MBD5: variants seen among roughly 807,000 people sequenced by gnomAD.
The protein encoded by MBD5 is methyl-CpG binding domain protein 5.
In MBD5, 13 loss-of-function variants were observed where a neutral mutation model predicts 117.3. The observed-to-expected ratio is 0.11, with a 90% CI of 0.07 to 0.18. The LOEUF (loss-of-function observed/expected upper bound fraction) is 0.18. MBD5 is among the 10% of genes least tolerant of loss of function. The pLI is 1.00. For missense variants in MBD5, 1,879 were observed against 2,093.8 expected (o/e 0.90, Z 2.00); for synonymous variants, 727 against 766.4 (o/e 0.95, Z 0.85).
intron 1 of MBD5, chr2:148,024,900 C>T (rs1325821647): frequency 1.3e-5 from 2 of 152,178 alleles, no homozygotes; most frequent in African/African-American, 4.8e-5. Context: ...CTTTTACCAG[C>T]TCTATAAAAC....
At chr2:148,226,145 G>A (rs889004321) in intron 2 of MBD5, among the ~76,000 whole-genome samples, 4 of 151,430 alleles carry the variant, frequency 2.6e-5, no homozygotes, top group African/African-American at 9.7e-5. Flanking sequence ...TAAGTTTTAG[G>A]GTACATTTGC....
intron 3 of MBD5, among the ~76,000 whole-genome samples, chr2:148,290,611 C>T (rs558400083): frequency 6.6e-6 from 1 of 152,206 alleles, no homozygotes; most frequent in South Asian, 2.1e-4. Flanking sequence ...CAGGCTCTTC[C>T]CCGCTCATTA....
At chr2:148,031,685 A>G (rs1694044233) in intron 1 of MBD5, among the ~76,000 whole-genome samples, 2 of 152,178 alleles carry the variant, frequency 1.3e-5, no homozygotes. Flanking sequence ...AAATAAGGAA[A>G]TGAATAGGTC....
At chr2:148,138,896 G>C (rs1697237076) in intron 1 of MBD5, among the ~76,000 whole-genome samples, 1 of 152,176 alleles carries the variant, frequency 6.6e-6, no homozygotes, top group African/African-American at 2.4e-5. Flanking sequence ...ATTGATTTGA[G>C]TTTCAGATCA....
At chr2:148,419,528 A>T (rs1414552876) in intron 4 of MBD5, among the ~76,000 whole-genome samples, 1 of 152,094 alleles carries the variant, frequency 6.6e-6, no homozygotes, top group Admixed American at 6.5e-5. Context: ...TCATTTATTG[A>T]ATTAGCCAGC....
At chr2:148,232,869 A>G (rs1223631081) in intron 2 of MBD5, among the ~76,000 whole-genome samples, 1 of 152,176 alleles carries the variant, frequency 6.6e-6, no homozygotes, top group Non-Finnish European at 1.5e-5. Flanking sequence ...TGGTCATTAT[A>G]GTGCTCTTGC....
At chr2:148,326,113 C>A (rs1170561270) in intron 3 of MBD5, among the ~76,000 whole-genome samples, 1 of 152,168 alleles carries the variant, frequency 6.6e-6, no homozygotes, top group African/African-American at 2.4e-5. Flanking sequence ...CATTCAGGAG[C>A]AGGTTGTTCA....
At chr2:148,235,161 G>A (rs1430998144) in intron 3 of MBD5, among the ~76,000 whole-genome samples, 1 of 151,956 alleles carries the variant, frequency 6.6e-6, no homozygotes, top group Non-Finnish European at 1.5e-5. Context: ...GTAAATAGCT[G>A]TTATATTTTT....
At chr2:148,388,726 C>CT (rs1704456660) in intron 4 of MBD5, among the ~76,000 whole-genome samples, 1 of 152,140 alleles carries the variant, frequency 6.6e-6, no homozygotes. Context: ...CTCACATGAC[C>CT]TTTTCTCTGT....
intron 13 of MBD5, among the ~76,000 whole-genome samples, 181 bp downstream of exon 13, chr2:148,510,316 A>G (rs1193328354): frequency 6.6e-6 from 1 of 152,248 alleles, no homozygotes; most frequent in Non-Finnish European, 1.5e-5. Flanking sequence ...GAAACCTACC[A>G]CATTAACTAT....
At chr2:148,451,971 A>G (rs1203434350) in intron 4 of MBD5, among the ~76,000 whole-genome samples, 1 of 152,198 alleles carries the variant, frequency 6.6e-6, no homozygotes, top group Non-Finnish European at 1.5e-5. Flanking sequence ...TGTGTCTCCC[A>G]GTATTCCCAT....
intron 3 of MBD5, among the ~76,000 whole-genome samples, chr2:148,288,110 G>C (rs1433046501): frequency 2.0e-5 from 3 of 151,874 alleles, no homozygotes; most frequent in African/African-American, 7.3e-5. Flanking sequence ...CTTTAAAAAA[G>C]TGATTTCTGG....
intron 4 of MBD5, among the ~76,000 whole-genome samples, chr2:148,373,449 G>A (rs909810440): frequency 6.6e-6 from 1 of 151,946 alleles, no homozygotes; most frequent in Non-Finnish European, 1.5e-5. Flanking sequence ...TTCTATATTC[G>A]TTATTGGAAG....
intron 4 of MBD5, among the ~76,000 whole-genome samples, chr2:148,357,621 CT>C (rs1276821903): frequency 6.6e-6 from 1 of 151,918 alleles, no homozygotes; most frequent in Non-Finnish European, 1.5e-5. Flanking sequence ...TAATTCTCCC[CT>C]AACCCACCTT....
At chr2:148,288,309 A>C (rs1701412981) in intron 3 of MBD5, among the ~76,000 whole-genome samples, 1 of 110,626 alleles carries the variant, frequency 9.0e-6, no homozygotes, top group Non-Finnish European at 1.9e-5. Flanking sequence ...CTGAGGCAGG[A>C]GAATGGCGTG....
At chr2:148,230,224 G>C (rs1039929053) in intron 2 of MBD5, among the ~76,000 whole-genome samples, 1 of 152,156 alleles carries the variant, frequency 6.6e-6, no homozygotes, top group African/African-American at 2.4e-5. Flanking sequence ...AGTCTACCTG[G>C]TGTTCTATTG....
chr2:148,176,300 T>G (rs1300121144), intron 1 of MBD5, among the ~76,000 whole-genome samples: 4 of 138,058 alleles, frequency 2.9e-5, no homozygotes, highest in African/African-American at 1.1e-4. Flanking sequence ...TTTATTAGAG[T>G]TTTGTTTTTT....
At chr2:148,397,307 T>C (rs557690484) in intron 4 of MBD5, among the ~76,000 whole-genome samples, 1 of 150,640 alleles carries the variant, frequency 6.6e-6, no homozygotes, top group East Asian at 2.0e-4. Flanking sequence ...GTGGCCCAAA[T>C]GTTTCTGTCT....
chr2:148,036,229 A>G (rs1694191826), intron 1 of MBD5, among the ~76,000 whole-genome samples: 2 of 152,136 alleles, frequency 1.3e-5, no homozygotes, highest in East Asian at 1.9e-4. Flanking sequence ...AAGTATAGCA[A>G]TAAGAAAGTC....
Sources: gnomAD v4.1 joint callset for allele counts (sites outside exome capture counted in the v4.1 genomes callset) on GRCh38, gnomAD v4.1.1 for gene constraint, MANE v1.5 for transcripts, NCBI Gene and HGNC (gene_info 2026-07-23, HGNC 2026-07-21) for gene names.